Variants in RIN3 observed in about 807,000 individuals in gnomAD.
The protein encoded by RIN3 is Ras and Rab interactor 3.
A neutral mutation model predicts 76.3 loss-of-function variants in RIN3; 54 were observed. That is an observed-to-expected ratio of 0.71 (90% confidence interval 0.57 to 0.89). The LOEUF is 0.89. RIN3 is among the 40% of genes least tolerant of loss of function. RIN3 has a pLI of 0.00. For synonymous variants in RIN3, 576 were observed against 564.0 expected (o/e 1.02, Z -0.30); for missense variants, 1,256 against 1,322.1 (o/e 0.95, Z 0.78).
At chr14:92,676,291 C>T (rs1888458107) in intron 7 of RIN3, among the ~76,000 whole-genome samples, 184 bp from the exon 8 acceptor site, 1 of 152,036 alleles carries the variant, frequency 6.6e-6, no homozygotes, top group Non-Finnish European at 1.5e-5. Flanking sequence ...GACTGTTTCT[C>T]GGGCCTCCTG....
At chr14:92,638,495 G>T (rs1303155305) in intron 4 of RIN3, among the ~76,000 whole-genome samples, 2 of 152,166 alleles carry the variant, frequency 1.3e-5, no homozygotes, top group Non-Finnish European at 2.9e-5. Context: ...TGACAAGGTG[G>T]CAGGAGGCTG....
chr14:92,541,343 A>G (rs913035117), intron 1 of RIN3, among the ~76,000 whole-genome samples: 2 of 152,346 alleles, frequency 1.3e-5, no homozygotes, highest in South Asian at 4.1e-4. Flanking sequence ...TAGAGTATCT[A>G]GCTGTAGAGA....
chr14:92,648,807 G>A lies in RIN3; in HGVS notation c.533-2775G>A, dbSNP rs1478269169. ...ATATCAGAGCTGCAGGAACACAGGC[G>A]GGGTGGGCAAGGCCTGAGCACATCA... On this transcript the variant is annotated intron_variant, in intron 5 of 9. Transcript: ENST00000216487. The surrounding 1 kb of genome is among the most constrained non-coding windows in gnomAD (Gnocchi z 4.1). Among the ~76,000 whole-genome samples, 4 of 152,010 alleles carry A rather than the reference G, an allele frequency of 2.6e-5. No homozygotes were observed. The highest frequency in any genetic ancestry group is 2.1e-4 in the South Asian group (1 of 4,836).
chr14:92,600,771 C>T (rs1885316371), intron 3 of RIN3, among the ~76,000 whole-genome samples: 1 of 152,228 alleles, frequency 6.6e-6, no homozygotes, highest in Admixed American at 6.5e-5. Context: ...GCATTGTTGG[C>T]ATTTGGAGCC....
At chr14:92,647,374 A>G (rs1044310470) in intron 5 of RIN3, among the ~76,000 whole-genome samples, 9 of 152,212 alleles carry the variant, frequency 5.9e-5, no homozygotes, top group African/African-American at 2.2e-4. Flanking sequence ...TCAGCCCTCA[A>G]CTATATTCAG....
At chr14:92,539,975 C>G (rs923601803) in intron 1 of RIN3, among the ~76,000 whole-genome samples, 2 of 152,156 alleles carry the variant, frequency 1.3e-5, no homozygotes, top group Non-Finnish European at 2.9e-5. Context: ...CCGGCACCAC[C>G]AGGCCTCCAC....
chr14:92,546,305 T>C (rs1008365045), intron 1 of RIN3, among the ~76,000 whole-genome samples: 34 of 152,350 alleles, frequency 2.2e-4, no homozygotes, highest in South Asian at 2.1e-4. Flanking sequence ...ATTCATGTAA[T>C]GTATCAGAAT....
chr14:92,588,511 C>T (rs1375114091), intron 3 of RIN3, among the ~76,000 whole-genome samples: 3 of 151,916 alleles, frequency 2.0e-5, no homozygotes, highest in African/African-American at 7.3e-5. Context: ...CAGGTGTGAG[C>T]CACCATGCCC....
At chr14:92,603,839 G>T (rs1339150614) in intron 3 of RIN3, among the ~76,000 whole-genome samples, 2 of 152,212 alleles carry the variant, frequency 1.3e-5, no homozygotes, top group Non-Finnish European at 2.9e-5. Flanking sequence ...GGGTGCCAGG[G>T]CTGGGCCTGG....
chr14:92,671,327 G>T (rs773620784), intron 7 of RIN3, among the ~76,000 whole-genome samples: 1 of 152,136 alleles, frequency 6.6e-6, no homozygotes, highest in South Asian at 2.1e-4. Context: ...TCCCAGGAGG[G>T]GGGGAACTGC....
At chr14:92,600,274 T>C (rs1170014709) in intron 3 of RIN3, among the ~76,000 whole-genome samples, 1 of 152,022 alleles carries the variant, frequency 6.6e-6, no homozygotes, top group Non-Finnish European at 1.5e-5. Flanking sequence ...TAGAAGGGGA[T>C]GTAGTTGTGG....
At chr14:92,551,315 G>C (rs1019154878) in intron 1 of RIN3, among the ~76,000 whole-genome samples, 1 of 152,130 alleles carries the variant, frequency 6.6e-6, no homozygotes, top group East Asian at 1.9e-4. Flanking sequence ...CTACTGACCC[G>C]TTGTGTGGAC....
chr14:92,681,243 G>A lies in RIN3; in HGVS notation c.2468-3744G>A, dbSNP rs895625816. 6.6e-6 allele frequency among the ~76,000 whole-genome samples: 1 copy of A among 152,186 alleles called. No homozygotes were observed. Among genetic ancestry groups the A allele is most frequent in the Non-Finnish European group, 1.5e-5 (1 of 68,036 alleles). On this transcript the variant is annotated intron_variant, in intron 8 of 9. Transcript: ENST00000216487. This position sits in a 1 kb window ranked among gnomAD's most constrained non-coding sequence, Gnocchi z 4.7. ...TCCAGAACTCACGGTAGGGCCGCCT[G>A]CCACCTAGTGGCCCTGGCAGGCATT...
chr14:92,664,974 GT>G (rs1166867441), intron 7 of RIN3, among the ~76,000 whole-genome samples: 2 of 152,194 alleles, frequency 1.3e-5, no homozygotes, highest in African/African-American at 4.8e-5. Flanking sequence ...CTTGTCATAT[GT>G]TTTTAACCTC....
At chr14:92,621,321 AC>A (rs1198963678) in intron 4 of RIN3, among the ~76,000 whole-genome samples, 1 of 151,848 alleles carries the variant, frequency 6.6e-6, no homozygotes, top group Non-Finnish European at 1.5e-5. Flanking sequence ...GAAGAGTCAA[AC>A]TCTGTAAAAT....
At chr14:92,619,400 T>C (rs1021249564) in intron 4 of RIN3, among the ~76,000 whole-genome samples, 2 of 151,830 alleles carry the variant, frequency 1.3e-5, no homozygotes, top group African/African-American at 4.8e-5. Context: ...TCTACTGTTC[T>C]TATATACCTT....
chr14:92,588,335 C>T (rs1330891803), intron 3 of RIN3, among the ~76,000 whole-genome samples: 2 of 145,980 alleles, frequency 1.4e-5, no homozygotes, highest in African/African-American at 5.1e-5. Flanking sequence ...TCAAGCAATT[C>T]TCCTGTCTCA....
At position 92,555,749 on chromosome 14, in the gene RIN3, A is replaced by G; in HGVS notation, c.45-2A>G. The G allele has an allele frequency of 6.2e-7, 1 of 1,614,088 alleles. No homozygotes were observed. The highest frequency in any genetic ancestry group is 8.5e-7 in the Non-Finnish European group (1 of 1,179,992). ...AGCTGATCATTGAATTCTGTTTTTC[A>G]GTCCGGTTCCAGTTGTTGGCAAAGG... On this transcript the variant is annotated splice_acceptor_variant, in intron 1 of 9. Coordinates refer to ENST00000216487, the MANE Select transcript of RIN3 (RefSeq NM_024832.5). LOFTEE classifies it high-confidence loss of function.
Position 92,652,220 on chromosome 14 carries a change from G to C in RIN3, c.1171G>C (p.Val391Leu). 1.2e-6 allele frequency: 2 copies of C among 1,608,162 alleles called. No homozygotes were observed. Among genetic ancestry groups the C allele is most frequent in the Non-Finnish European group, 8.5e-7 (1 of 1,176,322 alleles). ...TCCCACTGCCCCTCCCAGACGCCGC[G>C]TTTCCGAGAGGGTGTCCTTAGAAGA... ...NLPTAPPRRR[V>L]SERVSLEDQS... The change falls in exon 6 of 10, where the codon GTT becomes CTT. Residue 391 changes from valine to leucine, a missense_variant. Physicochemically the swap from Val to Leu is conservative, Grantham distance 32. Around this residue, in one of 3 missense-constraint regions of RIN3, gnomAD observed 610 missense variants for 626.4 expected, o/e 0.97. Coordinates refer to ENST00000216487, the MANE Select transcript of RIN3 (RefSeq NM_024832.5). This position sits in a 1 kb window ranked among gnomAD's most constrained non-coding sequence, Gnocchi z 6.4.
Sources: allele counts gnomAD v4.1 joint callset (sites outside exome capture counted in the v4.1 genomes callset), GRCh38; gene constraint gnomAD v4.1.1; regional missense constraint gnomAD v4.1.1; non-coding constraint Gnocchi (gnomAD v3.1); transcripts MANE v1.5; gene names NCBI Gene and HGNC (gene_info 2026-07-23, HGNC 2026-07-21).